The following FSD1L variants were observed in gnomAD, a reference collection of about 807,000 sequenced individuals.
FSD1L encodes fibronectin type III and SPRY domain containing 1 like.
In FSD1L, 45 loss-of-function variants were observed where a neutral mutation model predicts 71.6. The ratio of observed to expected loss-of-function variants is 0.63; its 90% CI spans 0.49 to 0.81. The LOEUF is 0.81. FSD1L is among the 30% of genes least tolerant of loss of function. The pLI is 0.00. For missense variants in FSD1L, 561 were observed against 618.1 expected (o/e 0.91, Z 0.98); for synonymous variants, 197 against 207.2 (o/e 0.95, Z 0.42).
At chr9:105,471,591 C>T (rs1831463419) in intron 4 of FSD1L, among the ~76,000 whole-genome samples, 1 of 151,616 alleles carries the variant, frequency 6.6e-6, no homozygotes, top group Non-Finnish European at 1.5e-5. Flanking sequence ...TCGCTTAGGT[C>T]CCTTTTTGTT....
chr9:105,539,176 T>C, intron 12 of FSD1L, 87 bp from the exon 13 acceptor site: 1 of 655,220 alleles, frequency 1.5e-6, no homozygotes, highest in Non-Finnish European at 2.6e-6. Flanking sequence ...TTATATATTA[T>C]TACTTTTTGC....
intron 10 of FSD1L, among the ~76,000 whole-genome samples, chr9:105,515,788 G>A (rs947713219): frequency 6.9e-6 from 1 of 144,488 alleles, no homozygotes; most frequent in Admixed American, 6.9e-5. Context: ...GCTGCAGAAG[G>A]TTTTTTTTTT....
At chr9:105,472,415 A>G (rs1831536258) in intron 5 of FSD1L, 3 of 160,982 alleles carry the variant, frequency 1.9e-5, no homozygotes, top group Middle Eastern at 6.0e-3. Flanking sequence ...TAAAAAGTAG[A>G]GCAAGAAGCC....
At position 105,524,411 on chromosome 9, in the gene FSD1L, G is replaced by C. The variant is rs878958764; in HGVS notation, c.1026-10082G>C. The C allele has an allele frequency of 1.7e-5, 28 of 1,613,610 alleles. 1 individual carries two copies. In the South Asian group the frequency reaches 2.6e-4, roughly 15 times the overall value. On this transcript the variant is annotated intron_variant, in intron 10 of 13. Transcript: ENST00000481272. ...CTTCATCTTATGAAATGGACAAGAG[G>C]TTGGTAGTATCTTTACTTCTCTGCC... is the stretch of plus-strand genomic sequence containing the variant.
At chr9:105,467,240 T>C (rs1831143177) in intron 3 of FSD1L, among the ~76,000 whole-genome samples, 3 of 152,208 alleles carry the variant, frequency 2.0e-5, no homozygotes, top group African/African-American at 7.2e-5. Context: ...ATCTAGTTTT[T>C]ATAAACATTA....
chr9:105,444,557 A>G (rs557488037), upstream of FSD1L, among the ~76,000 whole-genome samples: 1 of 152,338 alleles, frequency 6.6e-6, no homozygotes, highest in East Asian at 1.9e-4. Flanking sequence ...AATACCTGGC[A>G]CCACTCAGAG....
the FSD1L span, among the ~76,000 whole-genome samples, chr9:105,442,247 T>C: frequency 6.6e-6 from 1 of 152,256 alleles, no homozygotes; most frequent in African/African-American, 2.4e-5. Flanking sequence ...ATGGACCACA[T>C]GGGAGTGACG....
the FSD1L span, among the ~76,000 whole-genome samples, chr9:105,442,343 C>T: frequency 6.6e-6 from 1 of 151,940 alleles, no homozygotes; most frequent in Non-Finnish European, 1.5e-5. Flanking sequence ...TTTTGCCCTC[C>T]AGTTTAGAGA....
In FSD1L at chr9:105,548,088, G is replaced by A. The variant is rs1034325752; in HGVS notation, c.*1605G>A. The A allele has an allele frequency of 6.6e-6, 1 of 152,030 alleles. No homozygotes were observed. The highest frequency in any genetic ancestry group is 1.5e-5 in the Non-Finnish European group (1 of 67,950). 9.4% of individuals were successfully genotyped at this position (152,030 alleles called of 1,614,324 possible). A position where few individuals can be genotyped will look rare whatever the true frequency, so the allele number is the denominator to read the frequency against. On this transcript the variant is annotated 3_prime_UTR_variant, in exon 14 of 14. Transcript: ENST00000481272. ...TGAATTGGAATATTGTTTTTCTAGA[G>A]GACATTCATATCTGCACTATTATCT...
chr9:105,501,060 T>A (rs1283688339), intron 7 of FSD1L, among the ~76,000 whole-genome samples: 1 of 152,212 alleles, frequency 6.6e-6, no homozygotes, highest in Non-Finnish European at 1.5e-5. Context: ...TGACCAGTGC[T>A]TCTCAAACTT....
chr9:105,489,546 G>A (rs928415273), intron 7 of FSD1L, among the ~76,000 whole-genome samples: 1 of 152,054 alleles, frequency 6.6e-6, no homozygotes, highest in African/African-American at 2.4e-5. Flanking sequence ...GGGTACATTT[G>A]TACAATGTGC....
At chr9:105,453,053 T>TG (rs1376452768) in intron 1 of FSD1L, among the ~76,000 whole-genome samples, 2 of 149,610 alleles carry the variant, frequency 1.3e-5, no homozygotes, top group Non-Finnish European at 3.0e-5. Context: ...TGTTTTTTTT[T>TG]TTTTTTTTTT....
At chr9:105,498,907 C>G (rs75503298) in intron 7 of FSD1L, among the ~76,000 whole-genome samples, 180 of 152,260 alleles carry the variant, frequency 1.2e-3, no homozygotes, top group African/African-American at 4.1e-3. Flanking sequence ...CATGAGCCAC[C>G]GCGCCCATGC....
intron 6 of FSD1L, among the ~76,000 whole-genome samples, chr9:105,483,668 T>G (rs1832352455): frequency 2.6e-5 from 4 of 152,208 alleles, no homozygotes. Flanking sequence ...GCTTCATTCT[T>G]TTTTTGTTTT....
chr9:105,508,487 T>G, intron 8 of FSD1L, 130 bp from the exon 9 acceptor site: 1 of 603,244 alleles, frequency 1.7e-6, no homozygotes, highest in Non-Finnish European at 3.0e-6. Context: ...CACATACCAC[T>G]CTTTTAACAA....
chr9:105,525,837 C>T (rs1365437933), intron 10 of FSD1L: 1 of 1,603,924 alleles, frequency 6.2e-7, no homozygotes, highest in African/African-American at 1.3e-5. Flanking sequence ...AAAACAAAAG[C>T]ACTGGATTGA....
rs775499768 is a variant in FSD1L, at chr9:105,448,064, G to A, written c.-157G>A. 8.7e-6 allele frequency: 7 copies of A among 801,998 alleles called. No homozygotes were observed. The highest frequency in any genetic ancestry group is 1.5e-5 in the South Asian group (1 of 65,666). 49.7% of individuals were successfully genotyped at this position (801,998 alleles called of 1,614,324 possible). On this transcript the variant is annotated 5_prime_UTR_variant, in exon 1 of 14. Coordinates refer to ENST00000481272, the MANE Select transcript of FSD1L (RefSeq NM_001145313.3). ...ACCCTGGCAACCGCGGCGTGACTAC[G>A]GCGCGCGCGGTCTGGGCGCGGACGG...
At chr9:105,453,829 A>G (rs547091274) in intron 1 of FSD1L, among the ~76,000 whole-genome samples, 4 of 152,274 alleles carry the variant, frequency 2.6e-5, no homozygotes, top group East Asian at 1.9e-4. Context: ...GTAGTGCTAG[A>G]TATTCTACTC....
At chr9:105,520,914 C>T (rs1409317230) in intron 10 of FSD1L, 1 of 1,612,030 alleles carries the variant, frequency 6.2e-7, no homozygotes, top group Non-Finnish European at 8.5e-7. Context: ...CATAGTCATT[C>T]AGGTAAAAAG....
Sources: allele counts gnomAD v4.1 joint callset (sites outside exome capture counted in the v4.1 genomes callset), GRCh38; gene constraint gnomAD v4.1.1; transcripts MANE v1.5; gene names NCBI Gene and HGNC (gene_info 2026-07-23, HGNC 2026-07-21).